Variants in GYPE observed in about 807,000 individuals in gnomAD.
GYPE encodes the protein glycophorin-E.
Under a neutral mutation model 11.6 loss-of-function variants are expected in GYPE, and 8 were observed. That is an observed-to-expected ratio of 0.69 (90% CI 0.41 to 1.25). GYPE has a LOEUF of 1.25. Among genes scored for constraint, GYPE ranks in the 50% most tolerant of loss-of-function variants. GYPE has a pLI of 0.01. For synonymous variants in GYPE, 28 were observed against 29.6 expected (o/e 0.94, Z 0.18); for missense variants, 90 against 92.8 (o/e 0.97, Z 0.12).
rs1743829625 is a variant in GYPE at position 143,876,805 on chromosome 4, T to G, written c.187A>C (p.Met63Leu). The G allele has an allele frequency of 1.2e-6, 2 of 1,611,478 alleles. No homozygotes were observed. Among genetic ancestry groups the G allele is most frequent in the African/African-American group, 1.3e-5 (1 of 74,764 alleles). ...ATGATCATTCCAACAACAACAAGCA[T>G]CACCTCAAAAATAACACGAGCCATC... ...WAMARVIFEV[M>L]LVVVGMIILI... The change falls in exon 3 of 4, where the codon ATG becomes CTG. Residue 63 changes from methionine (M) to leucine (L), a missense_variant. By Grantham distance (15) the Met-to-Leu change is conservative. Transcript: ENST00000358615.
chr4:143,878,120 AT>A (rs1435965842), intron 2 of GYPE, among the ~76,000 whole-genome samples: 2 of 151,868 alleles, frequency 1.3e-5, no homozygotes, highest in African/African-American at 4.8e-5. Flanking sequence ...AAATGTTTTT[AT>A]TTATTTTTAT....
chr4:143,901,799 C>G (rs1034660384), intron 1 of GYPE, among the ~76,000 whole-genome samples: 29 of 151,586 alleles, frequency 1.9e-4, no homozygotes, highest in African/African-American at 5.9e-4. Flanking sequence ...AAATTTATCA[C>G]AAGAATGTGA....
intron 1 of GYPE, among the ~76,000 whole-genome samples, chr4:143,895,888 G>C (rs2149914259): frequency 6.6e-6 from 1 of 152,052 alleles, no homozygotes; most frequent in South Asian, 2.1e-4. Flanking sequence ...ACAAACCTGA[G>C]AAAAACAAGC....
intron 1 of GYPE, among the ~76,000 whole-genome samples, chr4:143,902,656 T>G (rs1006394506): frequency 2.0e-5 from 3 of 151,658 alleles, no homozygotes; most frequent in African/African-American, 7.3e-5. Context: ...TCTCCCTCCC[T>G]TCACCTCCTT....
At chr4:143,882,850 C>T (rs1226826082) in intron 1 of GYPE, among the ~76,000 whole-genome samples, 1 of 152,198 alleles carries the variant, frequency 6.6e-6, no homozygotes, top group Non-Finnish European at 1.5e-5. Context: ...AAAACTTGTT[C>T]CTAAGACTTC....
intron 2 of GYPE, among the ~76,000 whole-genome samples, chr4:143,880,134 C>T (rs1743968174): frequency 6.6e-6 from 1 of 152,328 alleles, no homozygotes; most frequent in South Asian, 2.1e-4. Flanking sequence ...CTATTAGGTC[C>T]CCTTTATCTG....
chr4:143,896,142 C>A (rs1478085946), intron 1 of GYPE, among the ~76,000 whole-genome samples: 3 of 152,072 alleles, frequency 2.0e-5, no homozygotes, highest in East Asian at 3.9e-4. Flanking sequence ...GCAACAGAAG[C>A]CAAAATTGAC....
At chr4:143,890,763 A>G (rs920903943) in intron 1 of GYPE, among the ~76,000 whole-genome samples, 26 of 152,162 alleles carry the variant, frequency 1.7e-4, no homozygotes, top group African/African-American at 4.3e-4. Context: ...TTTAGAAATA[A>G]CATCATTTGC....
At chr4:143,874,164 T>C (rs2590021) in intron 3 of GYPE, among the ~76,000 whole-genome samples, 94 of 152,150 alleles carry the variant, frequency 6.2e-4, no homozygotes, top group African/African-American at 1.6e-3. Context: ...ATTGTCTCTT[T>C]AAAAATGTAA....
intron 1 of GYPE, among the ~76,000 whole-genome samples, chr4:143,904,605 C>G (rs1291124987): frequency 6.6e-6 from 1 of 152,054 alleles, no homozygotes; most frequent in African/African-American, 2.4e-5. Flanking sequence ...AGTAGATCCT[C>G]TCTTCCCTGT....
At chr4:143,873,554 C>T (rs935576711) in intron 3 of GYPE, 33 of 439,082 alleles carry the variant, frequency 7.5e-5, no homozygotes, top group Non-Finnish European at 1.2e-4. Flanking sequence ...AACATATTCT[C>T]TAATATATGA....
chr4:143,895,699 G>C (rs1465142428), intron 1 of GYPE, among the ~76,000 whole-genome samples: 1 of 142,106 alleles, frequency 7.0e-6, no homozygotes, highest in Non-Finnish European at 1.5e-5. Context: ...GCATTGCCAA[G>C]TCAATCCTAA....
intron 1 of GYPE, among the ~76,000 whole-genome samples, chr4:143,898,774 C>T (rs911362080): frequency 7.2e-5 from 11 of 152,152 alleles, no homozygotes; most frequent in African/African-American, 2.7e-4. Flanking sequence ...TTCCCATACA[C>T]TCATTTTGAA....
chr4:143,896,538 A>C (rs932176294), intron 1 of GYPE, among the ~76,000 whole-genome samples: 5 of 152,208 alleles, frequency 3.3e-5, no homozygotes, highest in African/African-American at 1.2e-4. Context: ...GAGAAATAGG[A>C]ACACTTTTAC....
intron 1 of GYPE, among the ~76,000 whole-genome samples, chr4:143,882,687 C>G (rs1442220511): frequency 1.3e-5 from 2 of 152,180 alleles, no homozygotes; most frequent in East Asian, 3.9e-4. Context: ...CTCAGGTGTG[C>G]TTGTCACTTC....
intron 1 of GYPE, among the ~76,000 whole-genome samples, chr4:143,890,608 A>C (rs1744367837): frequency 6.6e-6 from 1 of 152,176 alleles, no homozygotes; most frequent in Non-Finnish European, 1.5e-5. Flanking sequence ...CGGCGAAAAC[A>C]ACTGCTCCAG....
intron 1 of GYPE, among the ~76,000 whole-genome samples, chr4:143,895,851 C>T (rs1182357122): frequency 3.3e-5 from 5 of 151,960 alleles, no homozygotes; most frequent in Admixed American, 6.6e-5. Context: ...GAAATAACGC[C>T]GCACATCTAC....
intron 2 of GYPE, among the ~76,000 whole-genome samples, chr4:143,877,645 A>G (rs897162127): frequency 2.0e-5 from 3 of 152,098 alleles, no homozygotes; most frequent in Non-Finnish European, 4.4e-5. Flanking sequence ...CCTATTATTG[A>G]TAAAAAGTGA....
chr4:143,882,706 A>G (rs1744087047), intron 1 of GYPE, among the ~76,000 whole-genome samples: 1 of 152,082 alleles, frequency 6.6e-6, no homozygotes, highest in African/African-American at 2.4e-5. Context: ...TCCATTTCTA[A>G]CTTTCATCCT....
Sources: allele counts gnomAD v4.1 joint callset (sites outside exome capture counted in the v4.1 genomes callset), GRCh38; gene constraint gnomAD v4.1.1; transcripts MANE v1.5; gene names NCBI Gene and HGNC (gene_info 2026-07-23, HGNC 2026-07-21).